RAD51D: variants seen among roughly 807,000 people sequenced by gnomAD.
RAD51D encodes the protein RAD51 paralog D, also known as DNA repair protein RAD51 homolog 4.
A neutral mutation model predicts 44.1 loss-of-function variants in RAD51D; 38 were observed. The observed-to-expected ratio is 0.86, with a 90% confidence interval of 0.67 to 1.13. The LOEUF is 1.13. Among genes scored for constraint, RAD51D ranks in the 50% most tolerant of loss-of-function variants. RAD51D has a pLI of 0.00. For synonymous variants in RAD51D, 141 were observed against 166.6 expected (o/e 0.85, Z 1.18); for missense variants, 390 against 414.0 (o/e 0.94, Z 0.50).
intron 3 of RAD51D, among the ~76,000 whole-genome samples, chr17:35,112,390 G>GT (rs35858089): frequency 2.0e-5 from 3 of 151,248 alleles, no homozygotes; most frequent in Non-Finnish European, 4.4e-5. Flanking sequence ...TGTTTGTTTT[G>GT]TTTTTTTGAG....
intron 3 of RAD51D, among the ~76,000 whole-genome samples, chr17:35,112,055 G>A (rs2091684074): frequency 6.6e-6 from 1 of 152,112 alleles, no homozygotes; most frequent in Non-Finnish European, 1.5e-5. Context: ...ACTATAAATG[G>A]CATTGTGTTT....
chr17:35,095,111 A>T lies in RAD51D; in HGVS notation c.*5842T>A, dbSNP rs993063669. ...CAGTTACTGTATTACACATGGGTGT[A>T]TGAAGCAATTCTGCACCAATGAGAT... On this transcript the variant is annotated 3_prime_UTR_variant, in exon 10 of 10. Coordinates refer to ENST00000345365, the MANE Select transcript of RAD51D (RefSeq NM_002878.4). 1 of 152,228 alleles carries T rather than the reference A, an allele frequency of 6.6e-6. No homozygotes were observed. Among genetic ancestry groups the T allele is most frequent in the Non-Finnish European group, 1.5e-5 (1 of 68,054 alleles). The allele number at this position is 152,228 out of a possible 1,614,324, so 9.4% of individuals were successfully genotyped here.
chr17:35,101,062 G>A (rs2142409649), intron 9 of RAD51D, 26 bp from the exon 10 acceptor site: 1 of 1,607,138 alleles, frequency 6.2e-7, no homozygotes, highest in Non-Finnish European at 8.5e-7. Context: ...AGGAGTCAGT[G>A]GAGTTAAGCA....
At chr17:35,114,220 C>G (rs569913639) in intron 3 of RAD51D, among the ~76,000 whole-genome samples, 1 of 151,668 alleles carries the variant, frequency 6.6e-6, no homozygotes, top group Non-Finnish European at 1.5e-5. Flanking sequence ...TGCAGTGAGC[C>G]GAGATCGCGC....
chr17:35,109,165 C>T (rs1250602430), intron 3 of RAD51D, among the ~76,000 whole-genome samples: 1 of 152,174 alleles, frequency 6.6e-6, no homozygotes, highest in Non-Finnish European at 1.5e-5. Context: ...CCGTGCCTGG[C>T]CCTGCGATTG....
intron 1 of RAD51D, 153 bp downstream of exon 1, chr17:35,119,379 C>T (rs2091793883): frequency 2.0e-6 from 2 of 1,005,042 alleles, no homozygotes; most frequent in Non-Finnish European, 3.1e-6. Context: ...TGGCTCCCCA[C>T]GCCCACCCTT....
In RAD51D at chr17:35,099,935, C is replaced by A. The variant is rs1428189170; in HGVS notation, c.*1018G>T. ...CACTAGGGCACTAGCTGTGGTACAG[C>A]TGGCAGGAAGAGAGGTGTAATTATA... is the stretch of plus-strand genomic sequence containing the variant. On this transcript the variant is annotated 3_prime_UTR_variant, in exon 10 of 10. Coordinates refer to ENST00000345365, the MANE Select transcript of RAD51D (RefSeq NM_002878.4). 1 of 524,582 alleles carries A rather than the reference C, an allele frequency of 1.9e-6. No homozygotes were observed. The highest frequency in any genetic ancestry group is 1.9e-5 in the African/African-American group (1 of 53,290). The allele number at this position is 524,582 out of a possible 1,614,324, so 32.5% of individuals were successfully genotyped here.
Position 35,116,011 on chromosome 17 carries a change from A to AAGAAAGGC in RAD51D, c.263+2489_263+2490insGCCTTTCT, listed in dbSNP as rs1227455825. Among the ~76,000 whole-genome samples the AAGAAAGGC allele has an allele frequency of 9.3e-5, 14 of 151,240 alleles. No individual in the cohort carries two copies. The East Asian group carries it at 1.8e-3, about 19-fold the overall frequency. ...AAAGAAAGAAAGAAAGAAAGAAAGA[A>AAGAAAGGC]AGGCTAGAAACCTGGTGAGTCAGCT... On this transcript the variant is annotated intron_variant, in intron 3 of 9. Coordinates refer to ENST00000345365, the MANE Select transcript of RAD51D (RefSeq NM_002878.4).
At position 35,115,864 on chromosome 17, in the gene RAD51D, G is replaced by A. The variant is rs577566319; in HGVS notation, c.263+2637C>T. Among the ~76,000 whole-genome samples the A allele has an allele frequency of 1.3e-3, 183 of 141,018 alleles. 1 individual carries two copies. Among genetic ancestry groups the A allele is most frequent in the African/African-American group, 4.7e-3 (178 of 38,178 alleles). The allele number at this position is 141,018 out of a possible 152,430, so 92.5% of individuals were successfully genotyped here. On this transcript the variant is annotated intron_variant, in intron 3 of 9. Coordinates refer to ENST00000345365, the MANE Select transcript of RAD51D (RefSeq NM_002878.4). Reference sequence around the variant, plus strand: ...CAGCCTGGCAACAGAGTGAAACTCCGTCAAAAAAAAGAAAGAAAGAAGGAA... The same window carrying A: ...CAGCCTGGCAACAGAGTGAAACTCCATCAAAAAAAAGAAAGAAAGAAGGAA...
intron 3 of RAD51D, chr17:35,117,077 G>A (rs2142468944): frequency 6.3e-7 from 1 of 1,576,418 alleles, no homozygotes; most frequent in Non-Finnish European, 8.6e-7. Flanking sequence ...AGGCCAATCG[G>A]CTTCCTGTTC....
chr17:35,115,896 AAAGGAAGGAAGGAAGGAAGG>A (rs201705308), intron 3 of RAD51D, among the ~76,000 whole-genome samples: 7 of 84,750 alleles, frequency 8.3e-5, no homozygotes, highest in South Asian at 4.5e-4. Context: ...GGAAAGAAGG[AAAGGAAGGAAGGAAGGAAGG>A]AAGGAAGGAA....
intron 3 of RAD51D, among the ~76,000 whole-genome samples, chr17:35,114,022 T>C (rs966948800): frequency 1.3e-5 from 2 of 152,040 alleles, no homozygotes; most frequent in African/African-American, 2.4e-5. Flanking sequence ...CCTGTAATCC[T>C]AGCACTTTGG....
rs1286607815 is a variant in RAD51D, at chr17:35,118,498, A to C, written c.263+3T>G. On this transcript the variant is annotated splice_donor_region_variant and intron_variant, in intron 3 of 9. Transcript: ENST00000345365. ...TCCTTCTTCCCCAAGTACACACACA[A>C]ACCTGCCAATGCCAGTGGACAGGAT... 1 of 1,612,740 alleles carries C rather than the reference A, an allele frequency of 6.2e-7. No homozygotes were observed. The highest frequency in any genetic ancestry group is 8.5e-7 in the Non-Finnish European group (1 of 1,178,808).
At chr17:35,115,956 G>GAAAAGAAA in intron 3 of RAD51D, among the ~76,000 whole-genome samples, 1 of 65,282 alleles carries the variant, frequency 1.5e-5, no homozygotes, top group East Asian at 4.4e-4. Flanking sequence ...AAGGAAGAAA[G>GAAAAGAAA]GAAAGAAAGA....
intron 3 of RAD51D, among the ~76,000 whole-genome samples, chr17:35,110,399 T>C (rs543036167): frequency 1.1e-3 from 161 of 152,318 alleles, no homozygotes; most frequent in African/African-American, 3.8e-3. Context: ...TCTCTTTTCA[T>C]TCTGTTTTGC....
chr17:35,095,657 T>C lies in RAD51D; in HGVS notation c.*5296A>G, dbSNP rs2142400321. 1 of 151,774 alleles carries C rather than the reference T, an allele frequency of 6.6e-6. No homozygotes were observed. Among genetic ancestry groups the C allele is most frequent in the East Asian group, 2.0e-4 (1 of 5,124 alleles). 9.4% of individuals were successfully genotyped at this position (151,774 alleles called of 1,614,324 possible). On this transcript the variant is annotated 3_prime_UTR_variant, in exon 10 of 10. Coordinates refer to ENST00000345365, the MANE Select transcript of RAD51D (RefSeq NM_002878.4). ...AATACAAAAAATTAGCCGGACATAG[T>C]GGCAGGCGCCTGTAGTCGTAGTCCC...
chr17:35,097,045 A>G lies in RAD51D; in HGVS notation c.*3908T>C, dbSNP rs1237725427. 1 of 152,158 alleles carries G rather than the reference A, an allele frequency of 6.6e-6. No homozygotes were observed. Among genetic ancestry groups the G allele is most frequent in the East Asian group, 1.9e-4 (1 of 5,198 alleles). The allele number at this position is 152,158 out of a possible 1,614,324, so 9.4% of individuals were successfully genotyped here. A position where few individuals can be genotyped will look rare whatever the true frequency, so the allele number is the denominator to read the frequency against. ...CAACATTAATTTCATCTGATGTCAG[A>G]CGAAGGGCATACAATAGTCCCCTGT... On this transcript the variant is annotated 3_prime_UTR_variant, in exon 10 of 10. Transcript: ENST00000345365.
At chr17:35,110,493 C>T (rs2091661692) in intron 3 of RAD51D, among the ~76,000 whole-genome samples, 1 of 152,134 alleles carries the variant, frequency 6.6e-6, no homozygotes, top group Admixed American at 6.5e-5. Context: ...AATCTAAGAA[C>T]TCTTTGCCTA....
chr17:35,119,206 G>A, intron 1 of RAD51D, 34 bp from the exon 2 acceptor site: 1 of 1,580,954 alleles, frequency 6.3e-7, no homozygotes, highest in Non-Finnish European at 8.7e-7. Flanking sequence ...GATTGGCAGA[G>A]AGGACTGGGG....
Sources: gnomAD v4.1 joint callset for allele counts (sites outside exome capture counted in the v4.1 genomes callset) on GRCh38, gnomAD v4.1.1 for gene constraint, MANE v1.5 for transcripts, NCBI Gene and HGNC (gene_info 2026-07-23, HGNC 2026-07-21) for gene names.